The following DCDC2C variants were observed in gnomAD, a reference collection of about 807,000 sequenced individuals.
The protein encoded by DCDC2C is doublecortin domain containing 2C.
In DCDC2C, 44 loss-of-function variants were observed where a neutral mutation model predicts 45.0. The ratio of observed to expected loss-of-function variants is 0.98; its 90% confidence interval spans 0.77 to 1.26. DCDC2C has a LOEUF of 1.26. Among genes scored for constraint, DCDC2C ranks in the 50% most tolerant of loss-of-function variants. The pLI, the probability that DCDC2C is intolerant of heterozygous loss-of-function variation, is 0.00. For synonymous variants in DCDC2C, 187 were observed against 178.8 expected, an observed-to-expected ratio of 1.05 and a Z score of -0.37; for missense variants, 447 against 468.9, an observed-to-expected ratio of 0.95 and a Z score of 0.43.
intron 6 of DCDC2C, among the ~76,000 whole-genome samples, chr2:3,765,294 A>T (rs1313188734): frequency 6.6e-6 from 1 of 152,214 alleles, no homozygotes; most frequent in Non-Finnish European, 1.5e-5. Context: ...ACACACGCAC[A>T]TATTGAGAGC....
chr2:3,703,871 G>T lies in DCDC2C; in HGVS notation c.120G>T (p.Ala40=). The T allele has an allele frequency of 7.7e-7, 1 of 1,294,544 alleles. No individual in the cohort carries two copies. The allele number at this position is 1,294,544 out of a possible 1,614,324, so 80.2% of individuals were successfully genotyped here. ...AGTTCGTGCTGTCGCGGCGCCGCGCGGCCACCTTCGAGGCGCTGCTGGAGC... is the reference window on the plus strand; with the variant it reads ...AGTTCGTGCTGTCGCGGCGCCGCGCTGCCACCTTCGAGGCGCTGCTGGAGC... The part of the protein sequence containing the change: ...GKKFVLSRRR[A]ATFEALLEQL... The change falls in exon 1 of 11, where the codon GCG becomes GCT. Residue 40 remains alanine, a synonymous_variant. Coordinates refer to ENST00000399143, the MANE Select transcript of DCDC2C (RefSeq NM_001287444.2). This position sits in a 1 kb window ranked among gnomAD's most constrained non-coding sequence, Gnocchi z 4.4.
chr2:3,820,252 A>G (rs1385557065), intron 10 of DCDC2C, among the ~76,000 whole-genome samples: 1 of 152,164 alleles, frequency 6.6e-6, no homozygotes, highest in East Asian at 1.9e-4. Context: ...TCGAGTTTGT[A>G]TTGGGGCCAA....
At chr2:3,735,692 G>A (rs964359616) in intron 3 of DCDC2C, among the ~76,000 whole-genome samples, 9 of 152,192 alleles carry the variant, frequency 5.9e-5, no homozygotes, top group African/African-American at 2.2e-4. Flanking sequence ...GAATTTTCAT[G>A]GTAGGGAATT....
intron 8 of DCDC2C, among the ~76,000 whole-genome samples, chr2:3,770,236 C>T (rs1172689310): frequency 1.3e-5 from 2 of 152,164 alleles, no homozygotes; most frequent in South Asian, 2.1e-4. Context: ...CATTTTTATT[C>T]CTCTAAAATA....
intron 3 of DCDC2C, among the ~76,000 whole-genome samples, 195 bp from the exon 4 acceptor site, chr2:3,741,725 G>A (rs13036216): frequency 0.025 from 3,709 of 150,120 alleles, 90 homozygotes; most frequent in Admixed American, 0.084. Flanking sequence ...ACACACACGC[G>A]CGCGTCTGTC....
chr2:3,843,547 G>A (rs1672262795), intron 10 of DCDC2C, among the ~76,000 whole-genome samples: 1 of 152,182 alleles, frequency 6.6e-6, no homozygotes, highest in Non-Finnish European at 1.5e-5. Flanking sequence ...ATCCCCATAG[G>A]AAAGGTAATG....
At chr2:3,831,914 G>C (rs148772798) in intron 10 of DCDC2C, among the ~76,000 whole-genome samples, 1 of 152,228 alleles carries the variant, frequency 6.6e-6, no homozygotes, top group East Asian at 1.9e-4. Flanking sequence ...GCGAATGGAA[G>C]GTAGCCCTGC....
intron 10 of DCDC2C, chr2:3,844,097 G>A (rs1484120401): frequency 6.6e-6 from 1 of 152,056 alleles, no homozygotes; most frequent in African/African-American, 2.4e-5. Flanking sequence ...CATTCTAGAG[G>A]AAGAAAATAC....
intron 10 of DCDC2C, among the ~76,000 whole-genome samples, chr2:3,801,113 G>A (rs768837002): frequency 6.6e-6 from 1 of 152,238 alleles, no homozygotes; most frequent in Non-Finnish European, 1.5e-5. Context: ...GAGGATGGTG[G>A]TGATAGCATT....
At chr2:3,785,926 G>A (rs546613484) in intron 10 of DCDC2C, among the ~76,000 whole-genome samples, 2 of 152,204 alleles carry the variant, frequency 1.3e-5, no homozygotes, top group East Asian at 3.9e-4. Context: ...GTGTGGCTTC[G>A]GGAACACTCC....
At chr2:3,781,390 G>T (rs1257024854) in intron 9 of DCDC2C, among the ~76,000 whole-genome samples, 1 of 152,198 alleles carries the variant, frequency 6.6e-6, no homozygotes, top group Non-Finnish European at 1.5e-5. Context: ...CAAAGACCGG[G>T]ATTGTGTCCT....
intron 10 of DCDC2C, among the ~76,000 whole-genome samples, chr2:3,846,426 C>T (rs1672331277): frequency 6.6e-6 from 1 of 151,794 alleles, no homozygotes; most frequent in Non-Finnish European, 1.5e-5. Flanking sequence ...GGCTACTTTT[C>T]TTTTTTTTGG....
chr2:3,781,833 C>A (rs529407320), intron 9 of DCDC2C, among the ~76,000 whole-genome samples: 1 of 152,206 alleles, frequency 6.6e-6, no homozygotes, highest in East Asian at 1.9e-4. Flanking sequence ...TTGTGCCACT[C>A]CAGCCTGGGT....
chr2:3,841,465 T>C (rs1306828232), intron 10 of DCDC2C, among the ~76,000 whole-genome samples: 1 of 142,726 alleles, frequency 7.0e-6, no homozygotes, highest in East Asian at 2.0e-4. Flanking sequence ...CTAAATCTTT[T>C]TAATTCTGCA....
At chr2:3,826,263 T>C (rs756704231) in intron 10 of DCDC2C, among the ~76,000 whole-genome samples, 1 of 152,172 alleles carries the variant, frequency 6.6e-6, no homozygotes, top group Non-Finnish European at 1.5e-5. Context: ...CCCATAATAA[T>C]ATCACCAGAT....
intron 6 of DCDC2C, among the ~76,000 whole-genome samples, chr2:3,757,980 C>A (rs1180562416): frequency 6.6e-6 from 1 of 152,182 alleles, no homozygotes; most frequent in African/African-American, 2.4e-5. Context: ...GGGAGCTGGG[C>A]TCCCCAGGAA....
In DCDC2C at chr2:3,778,711, C is replaced by T. The variant is rs1022639621; in HGVS notation, c.955-105C>T. 2.9e-6 allele frequency: 3 copies of T among 1,017,876 alleles called. No individual in the cohort carries two copies. In the African/African-American group the frequency reaches 4.9e-5, roughly 17 times the overall value. 63.1% of individuals were successfully genotyped at this position (1,017,876 alleles called of 1,614,324 possible). On this transcript the variant is annotated intron_variant, in intron 8 of 10. Coordinates refer to ENST00000399143, the MANE Select transcript of DCDC2C (RefSeq NM_001287444.2). ...AACTGCAGTGACTTCCCCAGCTCTA[C>T]CCATAGAAGTGGTCTAGAAGGTCGC...
intron 3 of DCDC2C, among the ~76,000 whole-genome samples, chr2:3,739,394 G>C (rs962647795): frequency 1.3e-5 from 2 of 152,092 alleles, no homozygotes; most frequent in Non-Finnish European, 2.9e-5. Context: ...GACCACCCTT[G>C]GCCTGCCACG....
At chr2:3,809,814 A>C (rs956061397) in intron 10 of DCDC2C, among the ~76,000 whole-genome samples, 1 of 151,540 alleles carries the variant, frequency 6.6e-6, no homozygotes, top group African/African-American at 2.4e-5. Context: ...TCATTGTTCA[A>C]CTCCCACTTA....
Sources: allele counts gnomAD v4.1 joint callset (sites outside exome capture counted in the v4.1 genomes callset), GRCh38; gene constraint gnomAD v4.1.1; non-coding constraint Gnocchi (gnomAD v3.1); transcripts MANE v1.5; gene names NCBI Gene and HGNC (gene_info 2026-07-23, HGNC 2026-07-21).